SPIN1: variants seen among roughly 807,000 people sequenced by gnomAD.
SPIN1 encodes the protein spindlin 1.
Under a neutral mutation model 26.0 loss-of-function variants are expected in SPIN1, and 3 were observed. The observed-to-expected ratio is 0.12, with a 90% CI of 0.05 to 0.30. SPIN1 has a LOEUF of 0.30. Among genes scored for constraint, SPIN1 ranks in the 10% least tolerant of loss-of-function variants. The pLI is 1.00. For missense variants in SPIN1, 126 were observed against 333.4 expected, an observed-to-expected ratio of 0.38 and a Z score of 4.84; for synonymous variants, 101 against 116.5, an observed-to-expected ratio of 0.87 and a Z score of 0.86.
chr9:88,461,016 C>T (rs1359671762), intron 3 of SPIN1, among the ~76,000 whole-genome samples: 7 of 152,208 alleles, frequency 4.6e-5, no homozygotes, highest in Non-Finnish European at 8.8e-5. Flanking sequence ...TCTTTTTCCT[C>T]CTCAAGATAC....
At chr9:88,425,742 C>CT (rs969289182) in intron 1 of SPIN1, among the ~76,000 whole-genome samples, 3 of 151,706 alleles carry the variant, frequency 2.0e-5, no homozygotes, top group Non-Finnish European at 4.4e-5. Flanking sequence ...GAGGAACTGT[C>CT]TTTGAGGCTC....
chr9:88,456,215 A>C (rs1828469047), intron 3 of SPIN1, among the ~76,000 whole-genome samples: 1 of 150,138 alleles, frequency 6.7e-6, no homozygotes, highest in African/African-American at 2.4e-5. Context: ...TTATACACAG[A>C]TAGAAAATAA....
At position 88,419,153 on chromosome 9, in the gene SPIN1, A is replaced by G. The variant is rs544395726; in HGVS notation, c.-158-7229A>G. On this transcript the variant is annotated intron_variant, in intron 1 of 5. Coordinates refer to ENST00000375859, the MANE Select transcript of SPIN1 (RefSeq NM_006717.3). The stretch of plus-strand genomic sequence containing the variant: ...TCTTTGCCTTCTACTTTTAAAATTA[A>G]CTTCCTCTTAAAGCAGCCTTTCCTA... Among the ~76,000 whole-genome samples the G allele has an allele frequency of 3.9e-5, 6 of 152,276 alleles. No homozygotes were observed. In the East Asian group the frequency reaches 9.7e-4, roughly 24 times the overall value.
chr9:88,452,940 G>A (rs192929519), intron 3 of SPIN1, among the ~76,000 whole-genome samples: 7 of 152,242 alleles, frequency 4.6e-5, no homozygotes, highest in Non-Finnish European at 8.8e-5. Context: ...AGTATACAGT[G>A]TATGACAGGC....
Position 88,405,998 on chromosome 9 carries a change from TGTGTGTCTGTGTGTGTGTGTGTGTG to T in SPIN1, c.-159+17461_-159+17485del, listed in dbSNP as rs776010852. Among the ~76,000 whole-genome samples the T allele has an allele frequency of 3.3e-3, 278 of 84,856 alleles. 9 individuals are homozygous for T. In the South Asian group the frequency reaches 0.089, roughly 27 times the overall value. The allele number at this position is 84,856 out of a possible 152,430, so 55.7% of individuals were successfully genotyped here. On this transcript the variant is annotated intron_variant, in intron 1 of 5. Transcript: ENST00000375859. ...CAGGCGCATGCCACCGTGCCTGGCT[TGTGTGTCTGTGTGTGTGTGTGTGTG>T]TGTGTGTGTGTGTGTGTGTACGTGT...
chr9:88,454,013 G>A (rs182123438), intron 3 of SPIN1, among the ~76,000 whole-genome samples: 3 of 152,154 alleles, frequency 2.0e-5, no homozygotes, highest in Admixed American at 2.0e-4. Context: ...AATACCTTTC[G>A]ATTATTTTAT....
chr9:88,410,956 A>C (rs1827430264), intron 1 of SPIN1: 1 of 1,232,590 alleles, frequency 8.1e-7, no homozygotes, highest in Non-Finnish European at 1.2e-6. Context: ...TGCCATTCAC[A>C]GTATGATATT....
intron 3 of SPIN1, among the ~76,000 whole-genome samples, chr9:88,453,676 G>A (rs1200443877): frequency 4.6e-5 from 7 of 152,004 alleles, no homozygotes; most frequent in Non-Finnish European, 8.8e-5. Flanking sequence ...ACAGGCATGC[G>A]CCACCACGCC....
At chr9:88,454,058 G>C (rs982579815) in intron 3 of SPIN1, among the ~76,000 whole-genome samples, 5 of 152,154 alleles carry the variant, frequency 3.3e-5, no homozygotes, top group African/African-American at 1.2e-4. Flanking sequence ...AATAGCTTCT[G>C]GAGTTACGAA....
intron 2 of SPIN1, among the ~76,000 whole-genome samples, chr9:88,429,754 A>G (rs1401897101): frequency 3.3e-5 from 5 of 152,218 alleles, no homozygotes; most frequent in South Asian, 4.2e-4. Context: ...GATCAGCTCA[A>G]CCTTCAGCCC....
intron 3 of SPIN1, among the ~76,000 whole-genome samples, chr9:88,458,793 A>C (rs1373803985): frequency 6.6e-6 from 1 of 152,136 alleles, no homozygotes; most frequent in African/African-American, 2.4e-5. Flanking sequence ...AGAGCCAGGG[A>C]AGAGTTGAAG....
chr9:88,413,612 C>G (rs1393875473), intron 1 of SPIN1, among the ~76,000 whole-genome samples: 1 of 152,078 alleles, frequency 6.6e-6, no homozygotes, highest in Non-Finnish European at 1.5e-5. Flanking sequence ...CTCCTGACCT[C>G]AAGCAATCAG....
intron 1 of SPIN1, among the ~76,000 whole-genome samples, chr9:88,418,272 C>T (rs1204149054): frequency 6.6e-6 from 1 of 152,208 alleles, no homozygotes; most frequent in Non-Finnish European, 1.5e-5. Context: ...CATCATTCAT[C>T]TCATTAGCAT....
intron 2 of SPIN1, among the ~76,000 whole-genome samples, chr9:88,427,579 C>T (rs1382239070): frequency 2.6e-5 from 4 of 151,440 alleles, no homozygotes; most frequent in South Asian, 2.1e-4. Flanking sequence ...TCTAAAAAAA[C>T]GGGACTTTTT....
At chr9:88,440,228 CTT>C (rs1312654965) in intron 2 of SPIN1, among the ~76,000 whole-genome samples, 1 of 148,586 alleles carries the variant, frequency 6.7e-6, no homozygotes, top group Non-Finnish European at 1.5e-5. Context: ...GCTTTCCACT[CTT>C]TTCTGCCTTC....
intron 1 of SPIN1, among the ~76,000 whole-genome samples, chr9:88,394,446 A>G (rs1307474489): frequency 6.6e-6 from 1 of 152,238 alleles, no homozygotes. Flanking sequence ...CATGGGAAGC[A>G]TACAGATTTT....
chr9:88,412,876 G>A (rs1232694939), intron 1 of SPIN1, among the ~76,000 whole-genome samples: 2 of 151,926 alleles, frequency 1.3e-5, no homozygotes, highest in Non-Finnish European at 1.5e-5. Flanking sequence ...TAGAGACAGG[G>A]TTTCACTATG....
chr9:88,401,368 A>G (rs1827183327), intron 1 of SPIN1, among the ~76,000 whole-genome samples: 1 of 152,090 alleles, frequency 6.6e-6, no homozygotes, highest in African/African-American at 2.4e-5. Context: ...TAGGAAAAAA[A>G]ATTCATACAG....
At chr9:88,418,864 A>G (rs77546181) in intron 1 of SPIN1, 1 of 152,282 alleles carries the variant, frequency 6.6e-6, no homozygotes, top group Non-Finnish European at 1.5e-5. Context: ...TCAGTTTCCA[A>G]GATGGAATAG....
Sources: gnomAD v4.1 joint callset for allele counts (sites outside exome capture counted in the v4.1 genomes callset) on GRCh38, gnomAD v4.1.1 for gene constraint, MANE v1.5 for transcripts, NCBI Gene and HGNC (gene_info 2026-07-23, HGNC 2026-07-21) for gene names.